The following PLCG2 variants were observed in gnomAD, a reference collection of about 807,000 sequenced individuals.
PLCG2 encodes the protein 1-phosphatidylinositol 4,5-bisphosphate phosphodiesterase gamma-2.
Under a neutral mutation model 175.6 loss-of-function variants are expected in PLCG2, and 69 were observed. The ratio of observed to expected loss-of-function variants is 0.39; its 90% confidence interval spans 0.32 to 0.48. The LOEUF (loss-of-function observed/expected upper bound fraction) is 0.48, where lower values mean the gene tolerates loss of function less well. PLCG2 is among the 20% of genes least tolerant of loss of function. The pLI is 0.91. For synonymous variants in PLCG2, 827 were observed against 624.0 expected (o/e 1.33, Z -4.85); for missense variants, 1,798 against 1,650.9 (o/e 1.09, Z -1.54).
chr16:81,929,413 C>T (rs575094805), intron 24 of PLCG2, among the ~76,000 whole-genome samples: 7 of 152,244 alleles, frequency 4.6e-5, no homozygotes, highest in South Asian at 2.1e-4. Context: ...TATTTCTTTT[C>T]GCGATAGAGT....
At chr16:81,802,093 C>CTTGTTTTTTTTTTTTTT in intron 2 of PLCG2, among the ~76,000 whole-genome samples, 1 of 40,016 alleles carries the variant, frequency 2.5e-5, no homozygotes, top group South Asian at 1.6e-3. Flanking sequence ...TGAGTACAGT[C>CTTGTTTTTTTTTTTTTT]TTTTTTTTTT....
At chr16:81,866,804 G>A (rs377532689) in intron 5 of PLCG2, among the ~76,000 whole-genome samples, 4 of 152,132 alleles carry the variant, frequency 2.6e-5, no homozygotes, top group Non-Finnish European at 4.4e-5. Flanking sequence ...CTCTCCCCAC[G>A]ACCCCTCTCG....
chr16:81,802,633 G>A (rs1169483127), intron 2 of PLCG2, among the ~76,000 whole-genome samples: 3 of 151,076 alleles, frequency 2.0e-5, no homozygotes, highest in South Asian at 4.2e-4. Flanking sequence ...GTGCAGTGGC[G>A]CAATCTCAGC....
intron 5 of PLCG2, among the ~76,000 whole-genome samples, chr16:81,860,391 C>G (rs1175207768): frequency 6.6e-6 from 1 of 151,970 alleles, no homozygotes; most frequent in African/African-American, 2.4e-5. Context: ...TTTGAGGGAG[C>G]TGTGAGTGGG....
At chr16:81,942,311 T>A (rs1312743112) in intron 30 of PLCG2, among the ~76,000 whole-genome samples, 1 of 152,206 alleles carries the variant, frequency 6.6e-6, no homozygotes, top group Non-Finnish European at 1.5e-5. Context: ...ATGCAATGAC[T>A]TAGCTTGGAG....
intron 2 of PLCG2, among the ~76,000 whole-genome samples, chr16:81,808,890 C>G (rs1008430871): frequency 3.3e-5 from 5 of 152,168 alleles, no homozygotes; most frequent in Non-Finnish European, 5.9e-5. Flanking sequence ...GCTGGAGGGG[C>G]TCCCATGAGA....
chr16:81,748,873 GA>G (rs1909753218), intron 1 of PLCG2, among the ~76,000 whole-genome samples: 1 of 152,226 alleles, frequency 6.6e-6, no homozygotes, highest in African/African-American at 2.4e-5. Context: ...GAGGCTCAGA[GA>G]GGCTCGGTGA....
chr16:81,843,568 A>T lies in PLCG2; in HGVS notation c.194-10876A>T, dbSNP rs117595326. Among the ~76,000 whole-genome samples, 3 of 152,360 alleles carry T rather than the reference A, an allele frequency of 2.0e-5. No homozygotes were observed. In the East Asian group the frequency reaches 5.8e-4, roughly 29 times the overall value. On this transcript the variant is annotated intron_variant, in intron 2 of 32. Transcript: ENST00000564138. ...GCCTACCAATATTTTTCGCGTGAAT[A>T]CAAAGCATCTACAGCAACAAATGCC... is the stretch of plus-strand genomic sequence containing the variant.
At chr16:81,856,243 G>A (rs1189788624) in intron 3 of PLCG2, among the ~76,000 whole-genome samples, 1 of 152,142 alleles carries the variant, frequency 6.6e-6, no homozygotes, top group Admixed American at 6.5e-5. Flanking sequence ...TGTACGGACT[G>A]ATAAAGTACC....
rs141832072 is a variant in PLCG2, at chr16:81,928,343, A to T, written c.2515-215A>T. 4.1e-4 allele frequency among the ~76,000 whole-genome samples: 63 copies of T among 152,242 alleles called. 2 individuals carry two copies. Among genetic ancestry groups the T allele is most frequent in the Non-Finnish European group, 1.3e-4 (9 of 67,994 alleles). ...GCACGTTTTTACGGATTGGAAAATGAAACTCCGAACCTCCTGGCACCCTCT... is the reference window on the plus strand; with the variant it reads ...GCACGTTTTTACGGATTGGAAAATGTAACTCCGAACCTCCTGGCACCCTCT... On this transcript the variant is annotated intron_variant, in intron 23 of 32. Coordinates refer to ENST00000564138, the MANE Select transcript of PLCG2 (RefSeq NM_002661.5).
chr16:81,749,068 G>T (rs1018972700), intron 1 of PLCG2, among the ~76,000 whole-genome samples: 1 of 152,142 alleles, frequency 6.6e-6, no homozygotes, highest in African/African-American at 2.4e-5. Context: ...CCTTTCCACT[G>T]CGACTTTCAC....
chr16:81,864,607 T>G (rs1353305300), intron 5 of PLCG2, among the ~76,000 whole-genome samples: 1 of 152,218 alleles, frequency 6.6e-6, no homozygotes, highest in Non-Finnish European at 1.5e-5. Flanking sequence ...AGGGCAGATG[T>G]GAGGCTTCAG....
intron 31 of PLCG2, 112 bp from the exon 32 acceptor site, chr16:81,956,583 G>T (rs1199188475): frequency 1.2e-6 from 1 of 815,722 alleles, no homozygotes; most frequent in Non-Finnish European, 1.9e-6. Context: ...AATCCAAGTT[G>T]CAAAACTTCT....
intron 27 of PLCG2, among the ~76,000 whole-genome samples, chr16:81,937,129 T>C (rs1325705769): frequency 6.6e-6 from 1 of 152,218 alleles, no homozygotes; most frequent in Non-Finnish European, 1.5e-5. Flanking sequence ...AAGACGTGCC[T>C]GAGCTAAGCC....
chr16:81,957,009 G>A (rs2143781699), intron 32 of PLCG2, 130 bp downstream of exon 32: 2 of 566,416 alleles, frequency 3.5e-6, no homozygotes, highest in East Asian at 3.8e-5. Context: ...CGGGCATGGT[G>A]GCTCACAGGC....
chr16:81,813,394 G>C (rs563899267), intron 2 of PLCG2, among the ~76,000 whole-genome samples: 1 of 152,236 alleles, frequency 6.6e-6, no homozygotes, highest in Non-Finnish European at 1.5e-5. Context: ...CACATCCCTT[G>C]TAAGTTGTAT....
At chr16:81,849,576 T>C (rs914199659) in intron 2 of PLCG2, among the ~76,000 whole-genome samples, 5 of 152,040 alleles carry the variant, frequency 3.3e-5, no homozygotes, top group Non-Finnish European at 7.4e-5. Flanking sequence ...CTGACCTATA[T>C]GGTGAAACCC....
rs188609773 is a variant in PLCG2 at position 81,747,892 on chromosome 16, C to G, written c.-144-7978C>G. ...TTAAATGAATGACTTTTTTTCTTTC[C>G]ATTTTTTTTTGAGATGGAATCACCC... On this transcript the variant is annotated intron_variant, in intron 1 of 5. Coordinates refer to the PLCG2 transcript ENST00000565054. Among the ~76,000 whole-genome samples the G allele has an allele frequency of 4.7e-4, 72 of 151,982 alleles. 1 individual carries two copies. The highest frequency in any genetic ancestry group is 1.7e-3 in the African/African-American group (69 of 41,494).
intron 30 of PLCG2, among the ~76,000 whole-genome samples, chr16:81,945,115 G>T (rs994369606): frequency 6.6e-6 from 1 of 152,214 alleles, no homozygotes; most frequent in African/African-American, 2.4e-5. Flanking sequence ...ACAGGTTTGT[G>T]TAAGAATGTG....
Sources: allele counts gnomAD v4.1 joint callset (sites outside exome capture counted in the v4.1 genomes callset), GRCh38; gene constraint gnomAD v4.1.1; transcripts MANE v1.5; gene names NCBI Gene and HGNC (gene_info 2026-07-23, HGNC 2026-07-21).